The following CAPZA2 variants were observed in gnomAD, a reference collection of about 807,000 sequenced individuals.
CAPZA2 encodes capping actin protein of muscle Z-line subunit alpha 2.
A neutral mutation model predicts 44.0 loss-of-function variants in CAPZA2; 13 were observed. That is an observed-to-expected ratio of 0.30 (90% CI 0.19 to 0.47). The LOEUF is 0.47. CAPZA2 is among the 20% of genes least tolerant of loss of function. The pLI, the probability that CAPZA2 is intolerant of heterozygous loss-of-function variation, is 1.00. For synonymous variants in CAPZA2, 94 were observed against 108.2 expected, an observed-to-expected ratio of 0.87 and a Z score of 0.81; for missense variants, 244 against 338.6, an observed-to-expected ratio of 0.72 and a Z score of 2.19.
chr7:116,887,522 G>A (rs1355677054), intron 1 of CAPZA2, among the ~76,000 whole-genome samples: 2 of 150,402 alleles, frequency 1.3e-5, no homozygotes, highest in African/African-American at 4.9e-5. Flanking sequence ...GCAAGACCCT[G>A]CCTCCAAAAA....
At chr7:116,895,145 A>G (rs1053876284) in intron 3 of CAPZA2, among the ~76,000 whole-genome samples, 4 of 152,238 alleles carry the variant, frequency 2.6e-5, no homozygotes, top group East Asian at 3.9e-4. Context: ...TTTGAACAAT[A>G]CTTTCAAAGT....
intron 3 of CAPZA2, among the ~76,000 whole-genome samples, chr7:116,895,922 A>G (rs1239735169): frequency 6.6e-6 from 1 of 152,100 alleles, no homozygotes; most frequent in South Asian, 2.1e-4. Flanking sequence ...TTTGTCCTCA[A>G]AAGATAATAA....
At chr7:116,886,374 G>A (rs1796762034) in intron 1 of CAPZA2, among the ~76,000 whole-genome samples, 1 of 152,132 alleles carries the variant, frequency 6.6e-6, no homozygotes, top group Admixed American at 6.5e-5. Context: ...TGTCATACAT[G>A]TGACCTCTAA....
intron 4 of CAPZA2, among the ~76,000 whole-genome samples, chr7:116,903,233 A>AGAGAGTGTGT (rs372696249): frequency 1.4e-5 from 2 of 146,340 alleles, no homozygotes; most frequent in African/African-American, 5.0e-5. Flanking sequence ...TGCAGAGAAG[A>AGAGAGTGTGT]GTGTGTGTGT....
intron 9 of CAPZA2, among the ~76,000 whole-genome samples, chr7:116,916,518 C>T (rs559333709): frequency 5.3e-5 from 8 of 151,838 alleles, no homozygotes; most frequent in Non-Finnish European, 7.4e-5. Context: ...GAGTGCTACT[C>T]GGGAGGCTGA....
intron 1 of CAPZA2, among the ~76,000 whole-genome samples, chr7:116,883,372 G>A (rs1039822234): frequency 6.6e-6 from 1 of 152,072 alleles, no homozygotes; most frequent in African/African-American, 2.4e-5. Context: ...TGTAGCAGTG[G>A]ATAAAAAATA....
At chr7:116,867,528 G>A (rs772198020) in intron 1 of CAPZA2, among the ~76,000 whole-genome samples, 2 of 150,406 alleles carry the variant, frequency 1.3e-5, no homozygotes, top group African/African-American at 4.9e-5. Context: ...TTACTTAATC[G>A]TGCTGTGAAT....
chr7:116,894,276 C>T (rs1331668567), intron 3 of CAPZA2, among the ~76,000 whole-genome samples: 2 of 151,192 alleles, frequency 1.3e-5, no homozygotes, highest in East Asian at 2.0e-4. Context: ...GCAGGAGAAT[C>T]GCTTGAACCC....
intron 8 of CAPZA2, among the ~76,000 whole-genome samples, chr7:116,914,432 TACACACACACACACACACACAC>T (rs71148345): frequency 6.9e-6 from 1 of 145,140 alleles, no homozygotes; most frequent in African/African-American, 2.6e-5. Flanking sequence ...TATACATACA[TACACACACACACACACACACAC>T]ACACACACAC....
chr7:116,910,784 TCAC>T, intron 7 of CAPZA2, among the ~76,000 whole-genome samples: 1 of 151,994 alleles, frequency 6.6e-6, no homozygotes, highest in African/African-American at 2.4e-5. Flanking sequence ...GGTGGGTGGA[TCAC>T]AAGGTCAGGA....
chr7:116,879,703 G>A (rs180872410), intron 1 of CAPZA2, among the ~76,000 whole-genome samples: 4 of 152,234 alleles, frequency 2.6e-5, no homozygotes, highest in East Asian at 1.9e-4. Flanking sequence ...CTGTGTGACC[G>A]GGTTCCTAAC....
chr7:116,876,873 C>CGGAG (rs1471818196), intron 1 of CAPZA2, among the ~76,000 whole-genome samples: 4 of 152,156 alleles, frequency 2.6e-5, no homozygotes, highest in Non-Finnish European at 4.4e-5. Flanking sequence ...TGCTTGAGGA[C>CGGAG]GGAGTGAACA....
At chr7:116,893,455 C>T (rs1296314106) in intron 3 of CAPZA2, among the ~76,000 whole-genome samples, 1 of 152,066 alleles carries the variant, frequency 6.6e-6, no homozygotes, top group Non-Finnish European at 1.5e-5. Context: ...GCACTAATCT[C>T]TGACATAGAT....
chr7:116,902,260 C>T (rs1797005279), intron 4 of CAPZA2, among the ~76,000 whole-genome samples: 1 of 151,964 alleles, frequency 6.6e-6, no homozygotes, highest in Non-Finnish European at 1.5e-5. Context: ...CAATACAGGG[C>T]TAGGGAGACC....
At chr7:116,885,675 A>C (rs976663190) in intron 1 of CAPZA2, among the ~76,000 whole-genome samples, 4 of 152,110 alleles carry the variant, frequency 2.6e-5, no homozygotes, top group African/African-American at 4.8e-5. Context: ...GAACTCAGGG[A>C]AATGCTTACT....
chr7:116,871,231 A>T (rs1021440095), intron 1 of CAPZA2, among the ~76,000 whole-genome samples: 2 of 152,194 alleles, frequency 1.3e-5, no homozygotes, highest in Admixed American at 1.3e-4. Context: ...TTGAGGTCGA[A>T]GTGTTACCTA....
intron 1 of CAPZA2, among the ~76,000 whole-genome samples, chr7:116,872,815 A>C (rs1019159875): frequency 1.3e-5 from 2 of 152,236 alleles, no homozygotes; most frequent in Non-Finnish European, 2.9e-5. Flanking sequence ...CTTGAGAATC[A>C]AGTAAAACCT....
Position 116,904,969 on chromosome 7 carries a change from T to TAAAAAAAAAA in CAPZA2, c.426+597_426+606dup, listed in dbSNP as rs371485695. Among the ~76,000 whole-genome samples the TAAAAAAAAAA allele has an allele frequency of 1.7e-3, 167 of 95,548 alleles. 2 individuals are homozygous for TAAAAAAAAAA. The highest frequency in any genetic ancestry group is 2.7e-3 in the East Asian group (8 of 2,998). The allele number at this position is 95,548 out of a possible 152,430, so 62.7% of individuals were successfully genotyped here. A position where few individuals can be genotyped will look rare whatever the true frequency, so the allele number is the denominator to read the frequency against. On this transcript the variant is annotated intron_variant, in intron 5 of 9. Coordinates refer to ENST00000361183, the MANE Select transcript of CAPZA2 (RefSeq NM_006136.3). ...AGCATGGTGAAACCCTGTCTCTACTTAAAAAAAAAAAAAAAAAAAACAATT... is the reference window on the plus strand; with the variant it reads ...AGCATGGTGAAACCCTGTCTCTACTTAAAAAAAAAAAAAAAAAAAAAAAAAAAAAACAATT...
chr7:116,862,888 C>A (rs566196999), intron 1 of CAPZA2, among the ~76,000 whole-genome samples: 30 of 151,482 alleles, frequency 2.0e-4, no homozygotes, highest in African/African-American at 6.8e-4. Flanking sequence ...GTGTGTACTC[C>A]GAAAATAGGA....
Sources: gnomAD v4.1 joint callset for allele counts (sites outside exome capture counted in the v4.1 genomes callset) on GRCh38, gnomAD v4.1.1 for gene constraint, MANE v1.5 for transcripts, NCBI Gene and HGNC (gene_info 2026-07-23, HGNC 2026-07-21) for gene names.